Variants in KCTD8 observed in about 807,000 individuals in gnomAD.
KCTD8 encodes potassium channel tetramerization domain containing 8.
In KCTD8, 27 loss-of-function variants were observed where a neutral mutation model predicts 31.5. The ratio of observed to expected loss-of-function variants is 0.86; its 90% CI spans 0.63 to 1.18. KCTD8 has a LOEUF of 1.18. Among genes scored for constraint, KCTD8 ranks in the 50% most tolerant of loss-of-function variants. The pLI, the probability that KCTD8 is intolerant of heterozygous loss-of-function variation, is 0.00. For synonymous variants in KCTD8, 290 were observed against 280.0 expected (o/e 1.04, Z -0.36); for missense variants, 658 against 647.7 (o/e 1.02, Z -0.17).
chr4:44,420,214 C>A (rs1477848695), intron 1 of KCTD8, among the ~76,000 whole-genome samples: 10 of 151,110 alleles, frequency 6.6e-5, no homozygotes, highest in African/African-American at 1.9e-4. Flanking sequence ...CAATGAAGGA[C>A]CATCACTCAA....
intron 1 of KCTD8, among the ~76,000 whole-genome samples, chr4:44,300,176 T>G (rs1717567576): frequency 6.6e-6 from 1 of 152,182 alleles, no homozygotes; most frequent in African/African-American, 2.4e-5. Context: ...TAACTAAGTC[T>G]ACACACTTAT....
Position 44,423,821 on chromosome 4 carries a change from T to C in KCTD8, c.961+23742A>G, listed in dbSNP as rs972675973. Among the ~76,000 whole-genome samples the C allele has an allele frequency of 2.4e-4, 36 of 152,278 alleles. 1 individual carries two copies. The highest frequency in any genetic ancestry group is 2.3e-3 in the Admixed American group (35 of 15,264). On this transcript the variant is annotated intron_variant, in intron 1 of 1. Transcript: ENST00000360029. ...ATTCATACACTTCCCATTCTGAAGT[T>C]ACATACTAAAGTTTTATCTGAAAAG...
At chr4:44,278,162 T>C (rs1279398656) in intron 1 of KCTD8, among the ~76,000 whole-genome samples, 1 of 152,040 alleles carries the variant, frequency 6.6e-6, no homozygotes, top group Non-Finnish European at 1.5e-5. Flanking sequence ...CACAGACATA[T>C]AAATTAGGCC....
At chr4:44,196,500 T>G (rs1483590028) in intron 1 of KCTD8, among the ~76,000 whole-genome samples, 13 of 152,206 alleles carry the variant, frequency 8.5e-5, no homozygotes, top group Admixed American at 8.5e-4. Flanking sequence ...GGAAGCAACT[T>G]GTGTGCACCC....
intron 1 of KCTD8, among the ~76,000 whole-genome samples, chr4:44,426,270 A>T (rs1455959421): frequency 1.3e-5 from 2 of 151,730 alleles, no homozygotes; most frequent in Non-Finnish European, 2.9e-5. Context: ...AGAGGAAGAA[A>T]ATAATCAAGA....
chr4:44,440,954 C>T (rs1189111228), intron 1 of KCTD8, among the ~76,000 whole-genome samples: 2 of 152,114 alleles, frequency 1.3e-5, no homozygotes, highest in East Asian at 3.9e-4. Flanking sequence ...GATATACACT[C>T]AGCACAGAAT....
chr4:44,212,077 G>A (rs912432290), intron 1 of KCTD8, among the ~76,000 whole-genome samples: 5 of 152,154 alleles, frequency 3.3e-5, no homozygotes, highest in Admixed American at 1.3e-4. Flanking sequence ...ATAGAGACTA[G>A]GGTTGGTATG....
chr4:44,295,625 T>C (rs949617637), intron 1 of KCTD8, among the ~76,000 whole-genome samples: 1 of 152,226 alleles, frequency 6.6e-6, no homozygotes, highest in Non-Finnish European at 1.5e-5. Context: ...TCAGGCTATT[T>C]TGTGTTGCTA....
intron 1 of KCTD8, among the ~76,000 whole-genome samples, chr4:44,360,809 T>C (rs548299046): frequency 6.6e-6 from 1 of 152,156 alleles, no homozygotes; most frequent in Non-Finnish European, 1.5e-5. Context: ...TAAATATCTC[T>C]TAAAAATGCA....
intron 1 of KCTD8, among the ~76,000 whole-genome samples, chr4:44,285,948 A>T (rs921128633): frequency 2.0e-5 from 3 of 152,162 alleles, no homozygotes; most frequent in African/African-American, 7.2e-5. Context: ...AGTTAATATT[A>T]AAAGATTAAA....
chr4:44,276,709 G>T (rs1250355140), intron 1 of KCTD8, among the ~76,000 whole-genome samples: 1 of 151,822 alleles, frequency 6.6e-6, no homozygotes, highest in Non-Finnish European at 1.5e-5. Flanking sequence ...TTTTTGTTTG[G>T]TAAGTGCAAA....
chr4:44,178,441 C>T (rs952938825), intron 1 of KCTD8, among the ~76,000 whole-genome samples: 2 of 152,002 alleles, frequency 1.3e-5, no homozygotes, highest in Admixed American at 6.6e-5. Flanking sequence ...TGAAATTCAA[C>T]ACCCTAATAC....
At chr4:44,281,077 G>C (rs990605964) in intron 1 of KCTD8, among the ~76,000 whole-genome samples, 2 of 151,778 alleles carry the variant, frequency 1.3e-5, no homozygotes, top group African/African-American at 2.4e-5. Context: ...GACAAGAGAA[G>C]TGAAGGAATT....
At chr4:44,355,090 T>C (rs922023933) in intron 1 of KCTD8, among the ~76,000 whole-genome samples, 7 of 152,178 alleles carry the variant, frequency 4.6e-5, no homozygotes, top group African/African-American at 9.6e-5. Context: ...TTATGAATAT[T>C]TGAATTAATT....
At chr4:44,419,129 T>C (rs1721147793) in intron 1 of KCTD8, among the ~76,000 whole-genome samples, 2 of 152,170 alleles carry the variant, frequency 1.3e-5, no homozygotes, top group Non-Finnish European at 1.5e-5. Flanking sequence ...ATAGAGTCAC[T>C]AGGTAGCAAA....
chr4:44,284,321 A>G (rs1244722452), intron 1 of KCTD8, among the ~76,000 whole-genome samples: 19 of 151,940 alleles, frequency 1.3e-4, no homozygotes, highest in Admixed American at 1.2e-3. Flanking sequence ...CAGAAATAAC[A>G]CCACATACCA....
chr4:44,228,337 T>G (rs1366252672), intron 1 of KCTD8, among the ~76,000 whole-genome samples: 2 of 152,180 alleles, frequency 1.3e-5, no homozygotes, highest in African/African-American at 4.8e-5. Context: ...TATTAGGACG[T>G]AAGTCATATT....
In KCTD8 at chr4:44,378,238, A is replaced by AATATAT. The variant is rs34144469; in HGVS notation, c.961+69319_961+69324dup. Among the ~76,000 whole-genome samples, 269 of 143,742 alleles carry AATATAT rather than the reference A, an allele frequency of 1.9e-3. 1 individual carries two copies. Among genetic ancestry groups the AATATAT allele is most frequent in the African/African-American group, 4.1e-3 (161 of 39,516 alleles). The allele number at this position is 143,742 out of a possible 152,430, so 94.3% of individuals were successfully genotyped here. A position where few individuals can be genotyped will look rare whatever the true frequency, so the allele number is the denominator to read the frequency against. ...TGTATATTTTATATATATATGTATA[A>AATATAT]ATATATATATATATATATATCTCCA... On this transcript the variant is annotated intron_variant, in intron 1 of 1. Coordinates refer to ENST00000360029, the MANE Select transcript of KCTD8 (RefSeq NM_198353.3).
chr4:44,436,618 A>G (rs550436067), intron 1 of KCTD8, among the ~76,000 whole-genome samples: 82 of 152,222 alleles, frequency 5.4e-4, no homozygotes, highest in African/African-American at 1.9e-3. Flanking sequence ...TTTAGATACT[A>G]AAGTATGTAG....
Sources: allele counts gnomAD v4.1 joint callset (sites outside exome capture counted in the v4.1 genomes callset), GRCh38; gene constraint gnomAD v4.1.1; transcripts MANE v1.5; gene names NCBI Gene and HGNC (gene_info 2026-07-23, HGNC 2026-07-21).